AHCYL1: variants seen among roughly 807,000 people sequenced by gnomAD.
AHCYL1 encodes the protein S-adenosylhomocysteine hydrolase-like protein 1.
A neutral mutation model predicts 79.3 loss-of-function variants in AHCYL1; 20 were observed. The ratio of observed to expected loss-of-function variants is 0.25; its 90% confidence interval spans 0.18 to 0.37. AHCYL1 has a LOEUF of 0.37. Among genes scored for constraint, AHCYL1 ranks in the 10% least tolerant of loss-of-function variants. The pLI, the probability that AHCYL1 is intolerant of heterozygous loss-of-function variation, is 1.00. For missense variants in AHCYL1, 330 were observed against 673.6 expected (o/e 0.49, Z 5.65); for synonymous variants, 223 against 242.2 (o/e 0.92, Z 0.74).
chr1:109,993,977 C>T (rs1432592672), intron 1 of AHCYL1, among the ~76,000 whole-genome samples: 1 of 152,164 alleles, frequency 6.6e-6, no homozygotes, highest in Non-Finnish European at 1.5e-5. Context: ...AACAACAGCT[C>T]CGTCCGGCAG....
At chr1:109,989,117 G>C (rs1649620385) in intron 1 of AHCYL1, among the ~76,000 whole-genome samples, 1 of 152,216 alleles carries the variant, frequency 6.6e-6, no homozygotes. Context: ...GGTGTAAGAA[G>C]ATCCTCTTTT....
chr1:109,994,261 GTTGT>G (rs148426018), intron 1 of AHCYL1, among the ~76,000 whole-genome samples: 78 of 151,598 alleles, frequency 5.1e-4, no homozygotes, highest in African/African-American at 1.2e-3. Flanking sequence ...GCTATTTTGT[GTTGT>G]TTGTTTGTTT....
intron 1 of AHCYL1, among the ~76,000 whole-genome samples, chr1:110,005,261 T>A (rs1020079760): frequency 2.6e-5 from 4 of 152,242 alleles, no homozygotes; most frequent in Non-Finnish European, 5.9e-5. Flanking sequence ...TCTTGACACT[T>A]AGGAAGAAAC....
Position 110,011,318 on chromosome 1 carries a change from G to T in AHCYL1, c.337G>T (p.Ala113Ser). Residue 113 changes from alanine to serine, a missense_variant, in exon 3 of 17, where the codon GCA becomes TCA. This residue lies in a region of AHCYL1 where 97 missense variants were observed against 176.3 expected (regional missense o/e 0.55). Transcript: ENST00000369799. ...SNFCVKNIKQ[A>S]EFGRREIEIA... ...TTTCTGTGTGAAGAACATCAAGCAG[G>T]CAGAATTTGGACGCCGGGAGATTGA... 6.2e-7 allele frequency: 1 copy of T among 1,614,122 alleles called. No homozygotes were observed. Among genetic ancestry groups the T allele is most frequent in the Non-Finnish European group, 8.5e-7 (1 of 1,180,018 alleles).
At chr1:110,001,009 C>G in intron 1 of AHCYL1, 1 of 958,120 alleles carries the variant, frequency 1.0e-6, no homozygotes, top group Non-Finnish European at 1.2e-6. Flanking sequence ...TTTCAAACTT[C>G]CTGTACAATC....
intron 1 of AHCYL1, chr1:110,004,349 C>G: frequency 2.0e-6 from 2 of 985,464 alleles, no homozygotes; most frequent in Non-Finnish European, 2.4e-6. Context: ...TGCTAAGTCT[C>G]AGAAGACTGG....
At chr1:109,997,614 G>A (rs1024545343) in intron 1 of AHCYL1, among the ~76,000 whole-genome samples, 22 of 152,316 alleles carry the variant, frequency 1.4e-4, no homozygotes, top group African/African-American at 3.6e-4. Context: ...TATCTCTGTT[G>A]CTGGAAAAGT....
intron 11 of AHCYL1, 91 bp downstream of exon 11, chr1:110,018,107 T>C: frequency 7.3e-7 from 1 of 1,378,900 alleles, no homozygotes; most frequent in Non-Finnish European, 1.0e-6. Context: ...GAGACCTCTG[T>C]TCAGTATAAA....
intron 3 of AHCYL1, 113 bp from the exon 4 acceptor site, chr1:110,012,249 T>TA: frequency 1.2e-6 from 1 of 869,102 alleles, no homozygotes; most frequent in East Asian, 2.6e-5. Flanking sequence ...GAAATAGGCT[T>TA]AAAGTTTTTC....
At chr1:110,018,777 T>C in intron 13 of AHCYL1, 127 bp downstream of exon 13, 1 of 996,262 alleles carries the variant, frequency 1.0e-6, no homozygotes. Flanking sequence ...AGAGAGATAT[T>C]TCACAAATTG....
At chr1:109,988,335 G>A (rs1431939912) in intron 1 of AHCYL1, among the ~76,000 whole-genome samples, 1 of 152,228 alleles carries the variant, frequency 6.6e-6, no homozygotes, top group Admixed American at 6.5e-5. Context: ...GTATGGCTAG[G>A]AAAATTTGAG....
chr1:109,995,163 G>C (rs559238762), intron 1 of AHCYL1, among the ~76,000 whole-genome samples: 2 of 152,172 alleles, frequency 1.3e-5, no homozygotes, highest in Non-Finnish European at 1.5e-5. Flanking sequence ...ATAAAGTTTA[G>C]AAGGAGAACA....
intron 2 of AHCYL1, 23 bp from the exon 3 acceptor site, chr1:110,011,188 CTTG>C (rs1259434001): frequency 6.2e-7 from 1 of 1,611,376 alleles, no homozygotes; most frequent in Non-Finnish European, 8.5e-7. Context: ...TTTTTCTATC[CTTG>C]TTTTTTTCTT....
intron 1 of AHCYL1, among the ~76,000 whole-genome samples, chr1:109,989,069 G>A (rs1570841036): frequency 1.3e-5 from 2 of 152,362 alleles, no homozygotes; most frequent in East Asian, 1.9e-4. Context: ...CCTTAGAGTG[G>A]CTGCTGTTGT....
intron 1 of AHCYL1, among the ~76,000 whole-genome samples, chr1:110,008,529 C>A (rs1333611427): frequency 6.6e-6 from 1 of 152,062 alleles, no homozygotes; most frequent in African/African-American, 2.4e-5. Context: ...AGTATTGGCA[C>A]CCTAATGCCC....
Position 110,021,810 on chromosome 1 carries a change from C to T in AHCYL1, c.*130C>T. On this transcript the variant is annotated 3_prime_UTR_variant, in exon 17 of 17. Transcript: ENST00000369799. ...TCCTATAATTTCATTCTTGTTTTTT[C>T]ATCTCATTATCCAAGTTCTGCAGAC... The T allele has an allele frequency of 9.8e-7, 1 of 1,023,904 alleles. No individual in the cohort carries two copies. The highest frequency in any genetic ancestry group is 1.4e-6 in the Non-Finnish European group (1 of 705,232). 63.4% of individuals were successfully genotyped at this position (1,023,904 alleles called of 1,614,324 possible).
intron 2 of AHCYL1, 99 bp downstream of exon 2, chr1:110,009,244 GC>G: frequency 1.9e-6 from 2 of 1,034,646 alleles, no homozygotes; most frequent in Non-Finnish European, 2.8e-6. Context: ...TGTTATGACT[GC>G]CCACCTTTGT....
chr1:109,996,898 G>T (rs770197949), intron 1 of AHCYL1, among the ~76,000 whole-genome samples: 2 of 152,204 alleles, frequency 1.3e-5, no homozygotes, highest in African/African-American at 2.4e-5. Context: ...TAAGAACCTA[G>T]AAGACTTGTC....
chr1:109,984,860 T>G lies in AHCYL1; in HGVS notation c.-193T>G. 1 of 880,496 alleles carries G rather than the reference T, an allele frequency of 1.1e-6. No homozygotes were observed. The highest frequency in any genetic ancestry group is 1.5e-6 in the Non-Finnish European group (1 of 666,162). 54.5% of individuals were successfully genotyped at this position (880,496 alleles called of 1,614,324 possible). A position where few individuals can be genotyped will look rare whatever the true frequency, so the allele number is the denominator to read the frequency against. On this transcript the variant is annotated 5_prime_UTR_variant, in exon 1 of 17. Coordinates refer to ENST00000369799, the MANE Select transcript of AHCYL1 (RefSeq NM_006621.7). ...GGTTCTCTTGTGGCCGCCGTCGCTG[T>G]CCGGCTGCCTTGGGCTGCCGAACAG...
Sources: gnomAD v4.1 joint callset for allele counts (sites outside exome capture counted in the v4.1 genomes callset) on GRCh38, gnomAD v4.1.1 for gene constraint, gnomAD v4.1.1 regional missense constraint, MANE v1.5 for transcripts, NCBI Gene and HGNC (gene_info 2026-07-23, HGNC 2026-07-21) for gene names.